Variants in LRBA observed in about 807,000 individuals in gnomAD.
The protein encoded by LRBA is LPS responsive beige-like anchor protein, also known as lipopolysaccharide-responsive and beige-like anchor protein.
A neutral mutation model predicts 330.0 loss-of-function variants in LRBA; 176 were observed. The observed-to-expected ratio is 0.53, with a 90% CI of 0.47 to 0.60. The LOEUF (loss-of-function observed/expected upper bound fraction) is 0.60. Ranked by LOEUF, LRBA falls within the 20% of genes least tolerant of loss-of-function variation. LRBA has a pLI of 0.00. For missense variants in LRBA, 3,259 were observed against 3,444.8 expected, an observed-to-expected ratio of 0.95 and a Z score of 1.35; for synonymous variants, 1,230 against 1,193.0, an observed-to-expected ratio of 1.03 and a Z score of -0.64.
chr4:150,691,013 T>G (rs1186098703), intron 36 of LRBA, among the ~76,000 whole-genome samples: 1 of 144,400 alleles, frequency 6.9e-6, no homozygotes, highest in Non-Finnish European at 1.5e-5. Context: ...CACTGTAAGC[T>G]CCGCCTCCCA....
Position 150,940,325 on chromosome 4 carries a change from C to T in LRBA, c.217-11260G>A, listed in dbSNP as rs1295189074. ...GCTGAGGCAAGAGGACTGCCTGAGCCCAGGAGTTCAAAGCTGCAGTGAGCT... is the reference window on the plus strand; with the variant it reads ...GCTGAGGCAAGAGGACTGCCTGAGCTCAGGAGTTCAAAGCTGCAGTGAGCT... On this transcript the variant is annotated intron_variant, in intron 2 of 56. Transcript: ENST00000651943. Among the ~76,000 whole-genome samples, 3 of 152,128 alleles carry T rather than the reference C, an allele frequency of 2.0e-5. No homozygotes were observed. The East Asian group carries it at 5.8e-4, about 29-fold the overall frequency.
Position 150,627,762 on chromosome 4 carries a change from A to T in LRBA, c.5922-28631T>A, listed in dbSNP as rs148820213. ...TCCAAATCATAAGACTACTTAATAGATGTAAAAATATAAAGTACTGGAATG... is the reference window on the plus strand; with the variant it reads ...TCCAAATCATAAGACTACTTAATAGTTGTAAAAATATAAAGTACTGGAATG... On this transcript the variant is annotated intron_variant, in intron 37 of 56. Coordinates refer to ENST00000651943, the MANE Select transcript of LRBA (RefSeq NM_001364905.1). Among the ~76,000 whole-genome samples the T allele has an allele frequency of 1.7e-3, 265 of 152,204 alleles. 2 individuals are homozygous for T. The highest frequency in any genetic ancestry group is 6.1e-3 in the African/African-American group (253 of 41,586).
chr4:150,495,122 A>C (rs952639021), intron 40 of LRBA, among the ~76,000 whole-genome samples: 4 of 152,220 alleles, frequency 2.6e-5, no homozygotes, highest in Admixed American at 1.3e-4. Flanking sequence ...CATTACAGAC[A>C]GTGTTAAAAT....
At chr4:150,612,379 C>G (rs1348465388) in intron 37 of LRBA, among the ~76,000 whole-genome samples, 3 of 152,080 alleles carry the variant, frequency 2.0e-5, no homozygotes, top group Non-Finnish European at 4.4e-5. Flanking sequence ...AATATATATA[C>G]TGTACTTTGC....
chr4:150,280,713 A>C (rs1747384835), intron 55 of LRBA, among the ~76,000 whole-genome samples: 1 of 152,316 alleles, frequency 6.6e-6, no homozygotes, highest in African/African-American at 2.4e-5. Context: ...CATGGTGTCC[A>C]TTCCTTATAT....
chr4:150,520,413 T>C (rs1008114327), intron 40 of LRBA, among the ~76,000 whole-genome samples: 4 of 152,214 alleles, frequency 2.6e-5, no homozygotes, highest in Non-Finnish European at 4.4e-5. Context: ...TAGGAATATT[T>C]TGTAGTTTTC....
intron 36 of LRBA, among the ~76,000 whole-genome samples, chr4:150,697,345 A>C (rs1042030465): frequency 6.7e-6 from 1 of 149,350 alleles, no homozygotes; most frequent in South Asian, 2.1e-4. Flanking sequence ...AAAAAAAAAA[A>C]AAAAAACAGG....
intron 31 of LRBA, among the ~76,000 whole-genome samples, chr4:150,815,403 A>G (rs1198019774): frequency 2.6e-5 from 4 of 151,714 alleles, no homozygotes; most frequent in Admixed American, 2.0e-4. Context: ...AAGATGAAAA[A>G]TTTGCTAGAG....
chr4:150,651,073 T>C (rs1017027866), intron 37 of LRBA, among the ~76,000 whole-genome samples: 2 of 152,338 alleles, frequency 1.3e-5, no homozygotes, highest in African/African-American at 4.8e-5. Flanking sequence ...TAAAATCCTC[T>C]TAAATTTTAT....
At chr4:150,387,893 A>G (rs1743327063) in intron 47 of LRBA, among the ~76,000 whole-genome samples, 1 of 152,204 alleles carries the variant, frequency 6.6e-6, no homozygotes, top group Non-Finnish European at 1.5e-5. Context: ...TAGAGTATAG[A>G]AGGGATAGAA....
intron 44 of LRBA, among the ~76,000 whole-genome samples, chr4:150,462,402 A>G (rs1754887365): frequency 6.6e-6 from 1 of 151,826 alleles, no homozygotes; most frequent in South Asian, 2.1e-4. Flanking sequence ...GATCTTCTCA[A>G]TGTACTTATG....
chr4:150,799,093 C>T (rs192175295), intron 33 of LRBA, among the ~76,000 whole-genome samples: 12 of 152,230 alleles, frequency 7.9e-5, no homozygotes, highest in Middle Eastern at 3.4e-3. Flanking sequence ...AATACGAATG[C>T]TTCCAACCTA....
intron 47 of LRBA, among the ~76,000 whole-genome samples, chr4:150,401,868 T>A (rs1009938274): frequency 6.6e-6 from 1 of 151,844 alleles, no homozygotes; most frequent in Non-Finnish European, 1.5e-5. Flanking sequence ...TATGTGGGTG[T>A]GTGAGTATAT....
intron 44 of LRBA, among the ~76,000 whole-genome samples, chr4:150,455,188 T>C (rs1478034610): frequency 6.9e-6 from 1 of 144,940 alleles, no homozygotes; most frequent in African/African-American, 2.5e-5. Flanking sequence ...TGTGATCTCA[T>C]TGTTCAATTC....
intron 17 of LRBA, 36 bp downstream of exon 17, chr4:150,893,016 C>T (rs1351240046): frequency 2.3e-6 from 3 of 1,276,748 alleles, no homozygotes; most frequent in South Asian, 2.6e-5. Flanking sequence ...TATTTCCAAA[C>T]TAATCCCTTA....
chr4:150,512,027 T>C (rs1761885477), intron 40 of LRBA, among the ~76,000 whole-genome samples: 2 of 152,232 alleles, frequency 1.3e-5, no homozygotes, highest in Non-Finnish European at 2.9e-5. Flanking sequence ...ATTTTAGTAA[T>C]TCCAGTGCTA....
rs142199830 is a variant in LRBA, at chr4:150,993,004, G to T, written c.216+21423C>A. ...TTATTTTAAAGGTAAAAATAAGGCCGGGTGCAGTGGCTCACACCTATAATC... is the reference window on the plus strand; with the variant it reads ...TTATTTTAAAGGTAAAAATAAGGCCTGGTGCAGTGGCTCACACCTATAATC... On this transcript the variant is annotated intron_variant, in intron 2 of 56. Coordinates refer to ENST00000651943, the MANE Select transcript of LRBA (RefSeq NM_001364905.1). Among the ~76,000 whole-genome samples, 3 of 152,072 alleles carry T rather than the reference G, an allele frequency of 2.0e-5. No homozygotes were observed. The South Asian group carries it at 6.2e-4, about 32-fold the overall frequency.
intron 37 of LRBA, among the ~76,000 whole-genome samples, chr4:150,640,850 T>C (rs1778606548): frequency 6.6e-6 from 1 of 152,178 alleles, no homozygotes. Context: ...GTTCCTACTA[T>C]CCTACAGAAA....
At chr4:151,006,105 G>C (rs1401932821) in intron 2 of LRBA, among the ~76,000 whole-genome samples, 1 of 152,196 alleles carries the variant, frequency 6.6e-6, no homozygotes, top group Non-Finnish European at 1.5e-5. Flanking sequence ...ACTGCAGGAG[G>C]CCAAGGCAGG....
Sources: allele counts gnomAD v4.1 joint callset (sites outside exome capture counted in the v4.1 genomes callset), GRCh38; gene constraint gnomAD v4.1.1; transcripts MANE v1.5; gene names NCBI Gene and HGNC (gene_info 2026-07-23, HGNC 2026-07-21).